CNGB3: variants seen among roughly 807,000 people sequenced by gnomAD.
CNGB3 encodes the protein cyclic nucleotide-gated channel beta-3.
CNGB3 carries 86 observed loss-of-function variants against 92.8 expected under a neutral mutation model. That is an observed-to-expected ratio of 0.93 (90% CI 0.78 to 1.11). The LOEUF (loss-of-function observed/expected upper bound fraction) is 1.11, where lower values mean the gene tolerates loss of function less well. Ranked by LOEUF, CNGB3 falls within the 50% of genes least tolerant of loss-of-function variation. The pLI is 0.00. For synonymous variants in CNGB3, 333 were observed against 332.7 expected (o/e 1.00, Z -0.01); for missense variants, 1,026 against 956.8 (o/e 1.07, Z -0.95).
rs539158997 is a variant in CNGB3 at position 86,667,977 on chromosome 8, T to C, written c.643+42A>G. 6.8e-5 allele frequency: 109 copies of C among 1,610,622 alleles called. No homozygotes were observed. The South Asian group carries it at 1.1e-3, about 16-fold the overall frequency. ...TTTGAGTCACAGGGTTTCTTGGTGA[T>C]AGCCAGCCCTCCCACTATGATAATT... On this transcript the variant is annotated intron_variant, in intron 5 of 17. Coordinates refer to ENST00000320005, the MANE Select transcript of CNGB3 (RefSeq NM_019098.5).
At chr8:86,740,493 A>G (rs1038381615) in intron 1 of CNGB3, among the ~76,000 whole-genome samples, 1 of 152,198 alleles carries the variant, frequency 6.6e-6, no homozygotes. Flanking sequence ...CTTAGAAAAT[A>G]TTCCAGGCAG....
chr8:86,593,842 A>T, intron 15 of CNGB3: 1 of 919,964 alleles, frequency 1.1e-6, no homozygotes, highest in Non-Finnish European at 1.7e-6. Flanking sequence ...AGTTGGTCAA[A>T]TTGAACTCCT....
intron 10 of CNGB3, among the ~76,000 whole-genome samples, chr8:86,637,837 T>C (rs1029909691): frequency 1.3e-5 from 2 of 152,172 alleles, no homozygotes; most frequent in African/African-American, 4.8e-5. Context: ...CATAGAGCCT[T>C]GCCATCACTT....
intron 8 of CNGB3, among the ~76,000 whole-genome samples, chr8:86,646,855 T>C (rs747862610): frequency 6.6e-6 from 1 of 151,238 alleles, no homozygotes; most frequent in African/African-American, 2.4e-5. Flanking sequence ...AAAGTATTTA[T>C]GTCTTATAAC....
At position 86,743,607 on chromosome 8, in the gene CNGB3, T is replaced by A. The variant is rs778013546; in HGVS notation, c.21A>T (p.Lys7Asn). 8 of 1,614,018 alleles carry A rather than the reference T, an allele frequency of 5.0e-6. No individual in the cohort carries two copies. The South Asian group carries it at 8.8e-5, about 18-fold the overall frequency. Residue 7 changes from lysine (K) to asparagine (N), a missense_variant, in exon 1 of 18, where the codon AAA becomes AAT. Coordinates refer to ENST00000320005, the MANE Select transcript of CNGB3 (RefSeq NM_019098.5). MFKSLT[K>N]VNKVKPIGEN... The stretch of plus-strand genomic sequence containing the variant: ...CTCCTATAGGCTTCACCTTGTTGAC[T>A]TTTGTCAGCGATTTAAACATCTTCT...
At chr8:86,705,617 T>C (rs1824638590) in intron 3 of CNGB3, among the ~76,000 whole-genome samples, 1 of 151,934 alleles carries the variant, frequency 6.6e-6, no homozygotes, top group South Asian at 2.1e-4. Flanking sequence ...GACAAAACAT[T>C]GTCACACCAA....
At chr8:86,635,696 A>C (rs1176261527) in intron 10 of CNGB3, among the ~76,000 whole-genome samples, 2 of 151,230 alleles carry the variant, frequency 1.3e-5, no homozygotes, top group East Asian at 3.9e-4. Flanking sequence ...TAATTAGTCA[A>C]GTGTGTCCAT....
intron 3 of CNGB3, among the ~76,000 whole-genome samples, chr8:86,717,561 C>CAAA (rs35692774): frequency 9.2e-5 from 11 of 119,594 alleles, no homozygotes; most frequent in Middle Eastern, 4.3e-3. Context: ...GACTCTGTCT[C>CAAA]AAAAAAAAAA....
At position 86,593,939 on chromosome 8, in the gene CNGB3, C is replaced by T. The variant is rs146021494; in HGVS notation, c.1781+10154G>A. The stretch of plus-strand genomic sequence containing the variant: ...GTGCCAGGGGCAGAAGGAGTGGAAT[C>T]GGATCCTGTAGGAAGCCTCCAGTGG... On this transcript the variant is annotated intron_variant, in intron 15 of 17. Transcript: ENST00000320005. 1.4e-4 allele frequency: 77 copies of T among 542,836 alleles called. 1 individual carries two copies. Among genetic ancestry groups the T allele is most frequent in the African/African-American group, 1.1e-3 (59 of 52,732 alleles). 33.6% of individuals were successfully genotyped at this position (542,836 alleles called of 1,614,324 possible). A position where few individuals can be genotyped will look rare whatever the true frequency, so the allele number is the denominator to read the frequency against.
At chr8:86,686,916 TC>T (rs752371569) in intron 3 of CNGB3, among the ~76,000 whole-genome samples, 4 of 152,072 alleles carry the variant, frequency 2.6e-5, no homozygotes, top group Non-Finnish European at 5.9e-5. Context: ...TTTTTATGTC[TC>T]TTTTAAAGAA....
intron 15 of CNGB3, among the ~76,000 whole-genome samples, chr8:86,580,625 A>G (rs555147427): frequency 6.6e-6 from 1 of 152,370 alleles, no homozygotes; most frequent in African/African-American, 2.4e-5. Context: ...GGGATATAAA[A>G]GAGCATTTTG....
chr8:86,610,219 C>T (rs1001676921), intron 14 of CNGB3, among the ~76,000 whole-genome samples: 2 of 152,174 alleles, frequency 1.3e-5, no homozygotes, highest in Non-Finnish European at 2.9e-5. Context: ...TTGAATACCA[C>T]AGCACTAGAA....
intron 3 of CNGB3, among the ~76,000 whole-genome samples, chr8:86,679,236 A>G (rs953407213): frequency 3.9e-5 from 6 of 152,084 alleles, no homozygotes; most frequent in African/African-American, 1.4e-4. Flanking sequence ...CCTCTCTTTC[A>G]TTTTACACAC....
At chr8:86,581,814 C>G (rs73690913) in intron 15 of CNGB3, among the ~76,000 whole-genome samples, 12,495 of 152,178 alleles carry the variant, frequency 0.082, 556 homozygotes, top group Non-Finnish European at 0.097. Context: ...CTCTGAGAAG[C>G]CTCTGTAAGC....
intron 7 of CNGB3, among the ~76,000 whole-genome samples, chr8:86,652,600 C>T (rs974448757): frequency 2.0e-5 from 3 of 151,778 alleles, no homozygotes; most frequent in Non-Finnish European, 2.9e-5. Flanking sequence ...TACTTTTAAG[C>T]TTTTTTGTTA....
intron 15 of CNGB3, among the ~76,000 whole-genome samples, chr8:86,588,458 T>A (rs1222081371): frequency 2.8e-5 from 4 of 141,694 alleles, no homozygotes; most frequent in Non-Finnish European, 6.1e-5. Context: ...CCATTCAGTA[T>A]GATATTGGCT....
At chr8:86,596,677 G>C (rs935621357) in intron 15 of CNGB3, among the ~76,000 whole-genome samples, 1 of 152,216 alleles carries the variant, frequency 6.6e-6, no homozygotes, top group Non-Finnish European at 1.5e-5. Flanking sequence ...CTTGGTGCCT[G>C]TGTAAAGTGT....
At chr8:86,680,933 C>A (rs1175070766) in intron 3 of CNGB3, among the ~76,000 whole-genome samples, 1 of 152,084 alleles carries the variant, frequency 6.6e-6, no homozygotes, top group Non-Finnish European at 1.5e-5. Context: ...TCACCATGTG[C>A]TAATACTTCT....
chr8:86,688,777 G>T (rs1712658882), intron 3 of CNGB3, among the ~76,000 whole-genome samples: 2 of 150,998 alleles, frequency 1.3e-5, no homozygotes, highest in Admixed American at 6.6e-5. Flanking sequence ...CATTTCATTG[G>T]TCTTTTTTTA....
Sources: gnomAD v4.1 joint callset for allele counts (sites outside exome capture counted in the v4.1 genomes callset) on GRCh38, gnomAD v4.1.1 for gene constraint, MANE v1.5 for transcripts, NCBI Gene and HGNC (gene_info 2026-07-23, HGNC 2026-07-21) for gene names.